The following PCDH9 variants were observed in gnomAD, a reference collection of about 807,000 sequenced individuals.
PCDH9 encodes the protein protocadherin 9, also known as protocadherin-9.
Under a neutral mutation model 70.6 loss-of-function variants are expected in PCDH9, and 24 were observed. The observed-to-expected ratio is 0.34, with a 90% confidence interval of 0.25 to 0.48. PCDH9 has a LOEUF of 0.48. Ranked by LOEUF, PCDH9 falls within the 20% of genes least tolerant of loss-of-function variation. PCDH9 has a pLI of 0.99. For missense variants in PCDH9, 1,281 were observed against 1,503.6 expected (o/e 0.85, Z 2.45); for synonymous variants, 562 against 558.5 (o/e 1.01, Z -0.09).
intron 4 of PCDH9, among the ~76,000 whole-genome samples, chr13:66,623,078 C>G (rs746955139): frequency 1.2e-4 from 19 of 152,254 alleles, no homozygotes; most frequent in African/African-American, 3.9e-4. Flanking sequence ...CGAACACATC[C>G]GAACATCAGA....
intron 4 of PCDH9, among the ~76,000 whole-genome samples, chr13:66,530,137 C>CAAGGTTT (rs1960387731): frequency 6.6e-6 from 1 of 151,970 alleles, no homozygotes; most frequent in African/African-American, 2.4e-5. Context: ...AACAAAAATG[C>CAAGGTTT]AAGGTTTAAT....
At chr13:66,567,324 G>A (rs902283206) in intron 4 of PCDH9, among the ~76,000 whole-genome samples, 56 of 152,198 alleles carry the variant, frequency 3.7e-4, no homozygotes, top group African/African-American at 1.2e-3. Flanking sequence ...TAAAAAACGC[G>A]TGGTATGGGG....
At chr13:66,628,008 A>AT (rs201715590) in intron 4 of PCDH9, among the ~76,000 whole-genome samples, 2 of 152,082 alleles carry the variant, frequency 1.3e-5, no homozygotes, top group Non-Finnish European at 2.9e-5. Flanking sequence ...GGAAAAATAT[A>AT]TTTTTTTCTT....
intron 4 of PCDH9, among the ~76,000 whole-genome samples, chr13:66,360,647 A>G (rs997039736): frequency 1.3e-5 from 2 of 152,094 alleles, no homozygotes; most frequent in African/African-American, 4.8e-5. Flanking sequence ...AGTCTATTGT[A>G]TATTAAAAAA....
chr13:66,796,981 G>A (rs2080252942), intron 3 of PCDH9, among the ~76,000 whole-genome samples: 1 of 152,058 alleles, frequency 6.6e-6, no homozygotes. Flanking sequence ...TATAAGAGGT[G>A]AGAAAACAAA....
chr13:67,193,234 C>T (rs2088965817), intron 2 of PCDH9, among the ~76,000 whole-genome samples: 1 of 151,834 alleles, frequency 6.6e-6, no homozygotes. Flanking sequence ...AAATCCCATA[C>T]CAAAAATGAT....
At chr13:66,584,609 T>C (rs1206636569) in intron 4 of PCDH9, among the ~76,000 whole-genome samples, 3 of 152,236 alleles carry the variant, frequency 2.0e-5, no homozygotes, top group Non-Finnish European at 4.4e-5. Context: ...ATATATATTT[T>C]TCTAGATCAT....
At chr13:66,880,584 C>T (rs1487086551) in intron 3 of PCDH9, among the ~76,000 whole-genome samples, 1 of 152,058 alleles carries the variant, frequency 6.6e-6, no homozygotes, top group Non-Finnish European at 1.5e-5. Context: ...AGTATCTTTC[C>T]CAGCCTCTAT....
intron 4 of PCDH9, among the ~76,000 whole-genome samples, chr13:66,507,302 AT>A (rs1476753631): frequency 6.6e-6 from 1 of 152,202 alleles, no homozygotes; most frequent in Non-Finnish European, 1.5e-5. Context: ...GGCAAAATGT[AT>A]TTAAGTGAAA....
intron 2 of PCDH9, among the ~76,000 whole-genome samples, chr13:67,094,291 C>T (rs1158706249): frequency 6.6e-6 from 1 of 152,110 alleles, no homozygotes; most frequent in Non-Finnish European, 1.5e-5. Flanking sequence ...TTCACATTCC[C>T]GTAACTTAAA....
At chr13:66,373,406 C>A (rs1005193840) in intron 4 of PCDH9, among the ~76,000 whole-genome samples, 3 of 151,820 alleles carry the variant, frequency 2.0e-5, no homozygotes, top group Admixed American at 6.6e-5. Context: ...TGAAAATATT[C>A]TGGAGATTAG....
chr13:66,960,227 T>C (rs2083324990), intron 2 of PCDH9, among the ~76,000 whole-genome samples: 1 of 152,200 alleles, frequency 6.6e-6, no homozygotes, highest in Non-Finnish European at 1.5e-5. Flanking sequence ...GTTGTCAGTG[T>C]TCTATAAACA....
At chr13:66,789,508 T>G (rs1052131170) in intron 3 of PCDH9, among the ~76,000 whole-genome samples, 3 of 152,124 alleles carry the variant, frequency 2.0e-5, no homozygotes, top group African/African-American at 7.2e-5. Context: ...GTTTATTTTT[T>G]TTTATTTTTT....
At chr13:66,883,466 C>T (rs2081954907) in intron 3 of PCDH9, among the ~76,000 whole-genome samples, 1 of 152,154 alleles carries the variant, frequency 6.6e-6, no homozygotes, top group Non-Finnish European at 1.5e-5. Context: ...CTAACAAAAA[C>T]AGCCATATTT....
At chr13:66,934,525 T>C (rs974268578) in intron 2 of PCDH9, among the ~76,000 whole-genome samples, 5 of 57,670 alleles carry the variant, frequency 8.7e-5, no homozygotes, top group Admixed American at 1.8e-4. Flanking sequence ...TGGGTGACAA[T>C]AGTGAAACTC....
chr13:66,944,075 C>T (rs370577968), intron 2 of PCDH9, among the ~76,000 whole-genome samples: 9 of 152,064 alleles, frequency 5.9e-5, no homozygotes, highest in African/African-American at 2.2e-4. Flanking sequence ...CTTTGAGAAT[C>T]ATTAAGTAAT....
At chr13:66,779,815 ATCTCTCTC>A (rs1225450927) in intron 3 of PCDH9, among the ~76,000 whole-genome samples, 28 of 100,924 alleles carry the variant, frequency 2.8e-4, no homozygotes, top group African/African-American at 4.4e-4. Context: ...GCGAGACTCC[ATCTCTCTC>A]TCTCTCTCTC....
At chr13:66,645,116 T>C (rs1018317679) in intron 3 of PCDH9, among the ~76,000 whole-genome samples, 8 of 152,106 alleles carry the variant, frequency 5.3e-5, no homozygotes, top group African/African-American at 1.9e-4. Context: ...ATCACTGACT[T>C]TTCATAAATA....
chr13:67,182,288 CCT>C (rs2088638014), intron 2 of PCDH9, among the ~76,000 whole-genome samples: 1 of 152,070 alleles, frequency 6.6e-6, no homozygotes, highest in Admixed American at 6.6e-5. Context: ...CCCAATTTCC[CCT>C]GTCATTAAAG....
Sources: gnomAD v4.1 joint callset for allele counts (sites outside exome capture counted in the v4.1 genomes callset) on GRCh38, gnomAD v4.1.1 for gene constraint, MANE v1.5 for transcripts, NCBI Gene and HGNC (gene_info 2026-07-23, HGNC 2026-07-21) for gene names.